The following TAB1 variants were observed in gnomAD, a reference collection of about 807,000 sequenced individuals.
The protein encoded by TAB1 is TGF-beta-activated kinase 1 and MAP3K7-binding protein 1.
Under a neutral mutation model 54.5 loss-of-function variants are expected in TAB1, and 30 were observed. The ratio of observed to expected loss-of-function variants is 0.55; its 90% CI spans 0.41 to 0.75. The LOEUF is 0.75. Ranked by LOEUF, TAB1 falls within the 30% of genes least tolerant of loss-of-function variation. The probability of loss-of-function intolerance (pLI) is 0.00; values close to 1 mark genes in which losing one functional copy is unlikely to be tolerated. For missense variants in TAB1, 609 were observed against 683.2 expected (o/e 0.89, Z 1.21); for synonymous variants, 289 against 286.9 (o/e 1.01, Z -0.07).
In TAB1 at chr22:39,430,000, CCT is replaced by C. The variant is rs1568988172; in HGVS notation, c.1308-14_1308-13del. Reference sequence around the variant, plus strand: ...CGGCTGCTTCTGATTGACTCCCTCCCCTGTTGTCCTGCAGCCAAAGCCCGACC... The same window carrying C: ...CGGCTGCTTCTGATTGACTCCCTCCCGTTGTCCTGCAGCCAAAGCCCGACC... On this transcript the variant is annotated splice_polypyrimidine_tract_variant and intron_variant, in intron 10 of 10. Coordinates refer to ENST00000216160, the MANE Select transcript of TAB1 (RefSeq NM_006116.3). The C allele has an allele frequency of 1.2e-6, 2 of 1,612,086 alleles. No homozygotes were observed. Among genetic ancestry groups the C allele is most frequent in the Admixed American group, 1.7e-5 (1 of 60,018 alleles).
At chr22:39,433,400 A>G, downstream of TAB1, 13 of 937,838 alleles carry the variant, frequency 1.4e-5, no homozygotes, top group Non-Finnish European at 1.5e-5. Flanking sequence ...GCAGTGAGCC[A>G]AGATAGCACC....
chr22:39,402,733 G>A (rs1016663005), intron 1 of TAB1, among the ~76,000 whole-genome samples: 7 of 151,900 alleles, frequency 4.6e-5, no homozygotes, highest in Non-Finnish European at 4.4e-5. Context: ...CATATTTTTA[G>A]TAGAGACAGG....
chr22:39,426,555 T>C, intron 8 of TAB1, 148 bp from the exon 9 acceptor site: 1 of 661,356 alleles, frequency 1.5e-6, no homozygotes, highest in Non-Finnish European at 2.6e-6. Context: ...CTTGAAAGGC[T>C]CAGATTGCAA....
chr22:39,423,859 G>A (rs1052176522), intron 8 of TAB1, among the ~76,000 whole-genome samples: 1 of 151,450 alleles, frequency 6.6e-6, no homozygotes, highest in African/African-American at 2.4e-5. Context: ...GTGTTTTATA[G>A]TGTACATTGT....
chr22:39,425,092 G>T (rs964863870), intron 8 of TAB1, among the ~76,000 whole-genome samples: 1 of 152,088 alleles, frequency 6.6e-6, no homozygotes, highest in African/African-American at 2.4e-5. Context: ...ATGAGATTCG[G>T]CTGGGCGTGG....
chr22:39,424,356 C>T (rs1318389998), intron 8 of TAB1, among the ~76,000 whole-genome samples: 3 of 152,004 alleles, frequency 2.0e-5, no homozygotes, highest in African/African-American at 7.2e-5. Flanking sequence ...TAGGTAGATG[C>T]CCAGACTGCT....
intron 1 of TAB1, among the ~76,000 whole-genome samples, chr22:39,403,561 A>T (rs1926235446): frequency 6.6e-6 from 1 of 151,434 alleles, no homozygotes; most frequent in African/African-American, 2.4e-5. Context: ...TCCATTCTTC[A>T]TGTGATGTGA....
At position 39,430,971 on chromosome 22, in the gene TAB1, T is replaced by C. The variant is rs1377077851; in HGVS notation, c.*749T>C. ...CCCGGTGGGCTGAGGCAGGGGCCGC[T>C]GTCGTCAGGCCTGAGCCAGGGTGAG... On this transcript the variant is annotated 3_prime_UTR_variant, in exon 11 of 11. Coordinates refer to ENST00000216160, the MANE Select transcript of TAB1 (RefSeq NM_006116.3). 5.1e-6 allele frequency: 5 copies of C among 986,836 alleles called. No homozygotes were observed. Among genetic ancestry groups the C allele is most frequent in the African/African-American group, 1.7e-5 (1 of 57,264 alleles). 61.1% of individuals were successfully genotyped at this position (986,836 alleles called of 1,614,324 possible).
At chr22:39,429,176 C>T in intron 10 of TAB1, 1 of 985,456 alleles carries the variant, frequency 1.0e-6, no homozygotes, top group Non-Finnish European at 1.2e-6. Flanking sequence ...TGTGCTGGTG[C>T]TGGGCAGCGC....
At chr22:39,424,438 C>CTTTTTTTTTTTTTTTT (rs762665225) in intron 8 of TAB1, among the ~76,000 whole-genome samples, 2 of 89,462 alleles carry the variant, frequency 2.2e-5, no homozygotes, top group Admixed American at 1.4e-4. Flanking sequence ...GTTCTGATTT[C>CTTTTTTTTTTTTTTTT]TTTTTTTTTT....
At chr22:39,420,176 C>T (rs1181195416) in intron 7 of TAB1, among the ~76,000 whole-genome samples, 2 of 152,336 alleles carry the variant, frequency 1.3e-5, no homozygotes, top group East Asian at 3.9e-4. Flanking sequence ...CAGTCATCAT[C>T]ACACGGCCAA....
downstream of TAB1, chr22:39,433,479 C>T: frequency 1.0e-6 from 1 of 984,772 alleles, no homozygotes; most frequent in Non-Finnish European, 1.2e-6. Flanking sequence ...ACATCAGTCT[C>T]TCCCAAAACC....
intron 10 of TAB1, among the ~76,000 whole-genome samples, chr22:39,428,566 T>G (rs1413858851): frequency 6.6e-6 from 1 of 152,176 alleles, no homozygotes; most frequent in Non-Finnish European, 1.5e-5. Flanking sequence ...TGCTTGATTT[T>G]AGCTTTGAAG....
At chr22:39,407,858 G>C (rs879382726) in intron 1 of TAB1, among the ~76,000 whole-genome samples, 1 of 152,096 alleles carries the variant, frequency 6.6e-6, no homozygotes, top group Non-Finnish European at 1.5e-5. Context: ...TTGACCTCGT[G>C]ATCTGCCCGC....
At chr22:39,433,975 AAG>A, downstream of TAB1, 5 of 260,856 alleles carry the variant, frequency 1.9e-5, no homozygotes, top group Non-Finnish European at 3.0e-5. Context: ...CCACGGGAGC[AAG>A]GGCTTTCTCT....
Position 39,416,905 on chromosome 22 carries a change from A to G in TAB1, c.411+28A>G, listed in dbSNP as rs758966357. Reference sequence around the variant, plus strand: ...AATTTCCCCAGCCGACACCCAGGGGAGTCAAGTCCAGGCCCAGCTTTGCAA... The same window carrying G: ...AATTTCCCCAGCCGACACCCAGGGGGGTCAAGTCCAGGCCCAGCTTTGCAA... On this transcript the variant is annotated intron_variant, in intron 4 of 10. Transcript: ENST00000216160. The G allele has an allele frequency of 5.0e-6, 8 of 1,609,160 alleles. No homozygotes were observed. In the South Asian group the frequency reaches 8.8e-5, roughly 18 times the overall value.
At chr22:39,433,880 C>T, downstream of TAB1, 4 of 926,116 alleles carry the variant, frequency 4.3e-6, no homozygotes, top group Non-Finnish European at 5.2e-6. Flanking sequence ...CTGGCCCCCA[C>T]CCCACCGCCC....
downstream of TAB1, among the ~76,000 whole-genome samples, chr22:39,432,250 C>T (rs1927615179): frequency 6.6e-6 from 1 of 152,204 alleles, no homozygotes; most frequent in African/African-American, 2.4e-5. Context: ...GGTGCTGTGG[C>T]CACCCGGTGC....
At chr22:39,404,372 C>T (rs1926273771) in intron 1 of TAB1, among the ~76,000 whole-genome samples, 1 of 151,970 alleles carries the variant, frequency 6.6e-6, no homozygotes, top group Non-Finnish European at 1.5e-5. Flanking sequence ...TCACTTGAGG[C>T]CAGGAGTTCC....
Sources: allele counts gnomAD v4.1 joint callset (sites outside exome capture counted in the v4.1 genomes callset), GRCh38; gene constraint gnomAD v4.1.1; transcripts MANE v1.5; gene names NCBI Gene and HGNC (gene_info 2026-07-23, HGNC 2026-07-21).